The following BUB1B variants were observed in gnomAD, a reference collection of about 807,000 sequenced individuals.
The protein encoded by BUB1B is mitotic checkpoint serine/threonine-protein kinase BUB1 beta.
A neutral mutation model predicts 137.7 loss-of-function variants in BUB1B; 86 were observed. The ratio of observed to expected loss-of-function variants is 0.62; its 90% CI spans 0.52 to 0.75. BUB1B has a LOEUF of 0.75. Ranked by LOEUF, BUB1B falls within the 30% of genes least tolerant of loss-of-function variation. BUB1B has a pLI of 0.00. For missense variants in BUB1B, 1,130 were observed against 1,236.9 expected, an observed-to-expected ratio of 0.91 and a Z score of 1.30; for synonymous variants, 420 against 417.9, an observed-to-expected ratio of 1.00 and a Z score of -0.06.
intron 8 of BUB1B, among the ~76,000 whole-genome samples, chr15:40,186,481 A>T (rs2037363389): frequency 8.8e-6 from 1 of 114,026 alleles, no homozygotes; most frequent in East Asian, 2.7e-4. Context: ...TGTGTCGCCC[A>T]GGCTGGAGTG....
In BUB1B at chr15:40,183,881, A is replaced by C; in HGVS notation, c.749A>C (p.Lys250Thr). 6.2e-7 allele frequency: 1 copy of C among 1,614,016 alleles called. No individual in the cohort carries two copies. The highest frequency in any genetic ancestry group is 8.5e-7 in the Non-Finnish European group (1 of 1,179,902). The change falls in exon 6 of 23, where the codon AAG (lysine) becomes ACG (threonine). Residue 250 changes from lysine to threonine, a missense_variant and splice_region_variant. Physicochemically the swap from Lys to Thr is moderately conservative, Grantham distance 78 (BLOSUM62 -1). Coordinates refer to ENST00000287598, the MANE Select transcript of BUB1B (RefSeq NM_001211.6). ...APIIRVGGAL[K>T]APSQNRGLQN... ...ATCATCCGTGTAGGAGGTGCTCTCA[A>C]GGGTAAGTTTGTTAAACGTTATTTC...
chr15:40,211,741 C>T (rs1004324632), intron 18 of BUB1B, among the ~76,000 whole-genome samples: 58 of 152,110 alleles, frequency 3.8e-4, no homozygotes, highest in African/African-American at 1.3e-3. Context: ...AACTTCTGGA[C>T]TTCGAGAATA....
intron 14 of BUB1B, 21 bp downstream of exon 14, chr15:40,202,715 GT>G: frequency 6.3e-7 from 1 of 1,582,050 alleles, no homozygotes; most frequent in Non-Finnish European, 8.7e-7. Flanking sequence ...GTATCCTTAA[GT>G]TAATGTAAAT....
At chr15:40,169,460 T>C (rs2037136091) in intron 2 of BUB1B, among the ~76,000 whole-genome samples, 1 of 152,108 alleles carries the variant, frequency 6.6e-6, no homozygotes, top group Non-Finnish European at 1.5e-5. Context: ...TGGAGCTGAA[T>C]TTGAATCTAG....
chr15:40,188,483 G>A (rs1356397935), intron 8 of BUB1B, among the ~76,000 whole-genome samples: 2 of 151,900 alleles, frequency 1.3e-5, no homozygotes, highest in South Asian at 2.1e-4. Context: ...TCTATAATAC[G>A]AGTTGCAAAT....
At chr15:40,171,546 C>A (rs2037162974) in intron 4 of BUB1B, among the ~76,000 whole-genome samples, 1 of 152,082 alleles carries the variant, frequency 6.6e-6, no homozygotes, top group South Asian at 2.1e-4. Context: ...GATCCTGTCT[C>A]AAAAAAACAA....
At position 40,206,223 on chromosome 15, in the gene BUB1B, A is replaced by G. The variant is rs1225598259; in HGVS notation, c.1774A>G (p.Ile592Val). Residue 592 changes from isoleucine (I) to valine (V), a missense_variant, in exon 15 of 23, where the codon ATT (isoleucine) becomes GTT (valine). Ile to Val is a conservative substitution (Grantham distance 29). Coordinates refer to ENST00000287598, the MANE Select transcript of BUB1B (RefSeq NM_001211.6). ...TGIEPLSEDA[I>V]ITGFRNVTIC... ...AATTGAACCCTTGAGCGAGGATGCCATTATCACAGGCTTCAGAAATGTAAC... is the reference window on the plus strand; with the variant it reads ...AATTGAACCCTTGAGCGAGGATGCCGTTATCACAGGCTTCAGAAATGTAAC... The G allele has an allele frequency of 2.5e-6, 4 of 1,614,228 alleles. No individual in the cohort carries two copies. The highest frequency in any genetic ancestry group is 3.4e-6 in the Non-Finnish European group (4 of 1,180,030).
Position 40,206,551 on chromosome 15 carries a change from TACTA to T in BUB1B, c.2009+97_2009+100del, listed in dbSNP as rs927748509. ...TTACAGTAATCAGTTATCAAGTTCT[TACTA>T]ACTGCCAGGTACTGTGCTAAGTGCT... On this transcript the variant is annotated intron_variant, in intron 15 of 22. Coordinates refer to ENST00000287598, the MANE Select transcript of BUB1B (RefSeq NM_001211.6). 104 of 1,511,928 alleles carry T rather than the reference TACTA, an allele frequency of 6.9e-5. No homozygotes were observed. In the African/African-American group the frequency reaches 1.3e-3, roughly 19 times the overall value. 93.7% of individuals were successfully genotyped at this position (1,511,928 alleles called of 1,614,324 possible).
At chr15:40,186,818 AT>A (rs973946518) in intron 8 of BUB1B, 22 of 152,146 alleles carry the variant, frequency 1.4e-4, no homozygotes, top group African/African-American at 5.1e-4. Context: ...CTCCCACTAC[AT>A]GCTAGGAATG....
rs117105960 is a variant in BUB1B at position 40,190,981 on chromosome 15, G to A, written c.1058+5339G>A. Among the ~76,000 whole-genome samples the A allele has an allele frequency of 3.8e-3, 575 of 151,246 alleles. 15 individuals are homozygous for A. In the East Asian group the frequency reaches 0.062, roughly 16 times the overall value. On this transcript the variant is annotated intron_variant, in intron 8 of 22. Transcript: ENST00000287598. Reference sequence around the variant, plus strand: ...TGGCTCACTGCAACCTCAGCTTCCCGGGTTCAACCGATTCTTGTACCTCAG... The same window carrying A: ...TGGCTCACTGCAACCTCAGCTTCCCAGGTTCAACCGATTCTTGTACCTCAG...
chr15:40,210,130 AAACGAG>A lies in BUB1B; in HGVS notation c.2308_2313del (p.Arg770_Glu771del). 6.2e-7 allele frequency: 1 copy of A among 1,611,548 alleles called. No individual in the cohort carries two copies. Among genetic ancestry groups the A allele is most frequent in the Non-Finnish European group, 8.5e-7 (1 of 1,177,824 alleles). On this transcript the variant is annotated inframe_deletion, in exon 18 of 23. Coordinates refer to ENST00000287598, the MANE Select transcript of BUB1B (RefSeq NM_001211.6). Reference sequence around the variant, plus strand: ...AACAGGTAATGAGGATTACTGCATTAAACGAGAATACCTAATATGTGAAGATTACAA... The same window carrying A: ...AACAGGTAATGAGGATTACTGCATTAAATACCTAATATGTGAAGATTACAA...
chr15:40,164,662 C>CTTTTTTTTTTTT (rs1174963610), intron 1 of BUB1B, among the ~76,000 whole-genome samples: 1 of 127,604 alleles, frequency 7.8e-6, no homozygotes. Context: ...ATTCATTTTT[C>CTTTTTTTTTTTT]TTTTTTTTTT....
chr15:40,215,773 C>G (rs2037771267), intron 20 of BUB1B, among the ~76,000 whole-genome samples: 1 of 151,712 alleles, frequency 6.6e-6, no homozygotes, highest in Non-Finnish European at 1.5e-5. Context: ...CATCTCAAAA[C>G]AAAACAACAA....
chr15:40,215,543 G>A (rs2037766735), intron 20 of BUB1B, among the ~76,000 whole-genome samples: 1 of 152,114 alleles, frequency 6.6e-6, no homozygotes, highest in African/African-American at 2.4e-5. Context: ...GCCGAGGCGG[G>A]CGGATCACGA....
chr15:40,220,711 A>C lies in BUB1B; in HGVS notation c.3105A>C (p.Leu1035Phe), dbSNP rs576684184. ...TTFQSHLNKA[L>F]WKVGKLTSPG... ...TCCAAAGTCACCTGAACAAAGCCTT[A>C]TGGAAGGTAGGGAAGTTAACTAGTC... Residue 1035 changes from leucine to phenylalanine, a missense_variant, in exon 23 of 23, where the codon TTA becomes TTC. By Grantham distance (22) the Leu-to-Phe change is conservative. Transcript: ENST00000287598. The C allele has an allele frequency of 6.2e-7, 1 of 1,614,208 alleles. No individual in the cohort carries two copies. Among genetic ancestry groups the C allele is most frequent in the Non-Finnish European group, 8.5e-7 (1 of 1,180,034 alleles).
At chr15:40,193,188 T>C (rs757448790) in intron 8 of BUB1B, among the ~76,000 whole-genome samples, 1 of 152,176 alleles carries the variant, frequency 6.6e-6, no homozygotes, top group Non-Finnish European at 1.5e-5. Flanking sequence ...CTCATTTGGC[T>C]GGATTGTATA....
In BUB1B at chr15:40,200,320, C is replaced by T. The variant is rs146795655; in HGVS notation, c.1478C>T (p.Thr493Ile). 264 of 1,613,942 alleles carry T rather than the reference C, an allele frequency of 1.6e-4. No homozygotes were observed. The highest frequency in any genetic ancestry group is 9.9e-4 in the Middle Eastern group (6 of 6,058). ...ASESQKIPGM[T>I]LSSSVCQVNC... ...GAGTCTCAGAAAATACCAGGAATGA[C>T]TCTATCCAGTTCTGTTTGTCAAGTA... Residue 493 changes from threonine (T) to isoleucine (I), a missense_variant, in exon 11 of 23, where the codon ACT becomes ATT. Thr to Ile is a moderately conservative substitution (Grantham distance 89). Transcript: ENST00000287598.
At chr15:40,216,586 T>TAA (rs1555383941) in intron 20 of BUB1B, among the ~76,000 whole-genome samples, 2 of 141,098 alleles carry the variant, frequency 1.4e-5, no homozygotes, top group Admixed American at 7.3e-5. Context: ...TTTTTTTTTT[T>TAA]AATTATAGTA....
chr15:40,183,439 C>T (rs778615275), intron 5 of BUB1B, among the ~76,000 whole-genome samples: 1 of 152,172 alleles, frequency 6.6e-6, no homozygotes, highest in Non-Finnish European at 1.5e-5. Context: ...ATAACCCTAA[C>T]CTGATCCTCA....
Sources: allele counts gnomAD v4.1 joint callset (sites outside exome capture counted in the v4.1 genomes callset), GRCh38; gene constraint gnomAD v4.1.1; transcripts MANE v1.5; gene names NCBI Gene and HGNC (gene_info 2026-07-23, HGNC 2026-07-21).